Variants in DOCK3 observed in about 807,000 individuals in gnomAD.
The protein encoded by DOCK3 is dedicator of cytokinesis 3, also known as dedicator of cytokinesis protein 3.
A neutral mutation model predicts 265.6 loss-of-function variants in DOCK3; 60 were observed. That is an observed-to-expected ratio of 0.23 (90% CI 0.18 to 0.28). DOCK3 has a LOEUF of 0.28. Ranked by LOEUF, DOCK3 falls within the 10% of genes least tolerant of loss-of-function variation. The probability of loss-of-function intolerance (pLI) is 1.00; values close to 1 mark genes in which losing one functional copy is unlikely to be tolerated. For missense variants in DOCK3, 1,981 were observed against 2,594.3 expected, an observed-to-expected ratio of 0.76 and a Z score of 5.14; for synonymous variants, 881 against 938.0, an observed-to-expected ratio of 0.94 and a Z score of 1.11.
chr3:51,254,473 A>C (rs556676304), intron 22 of DOCK3, among the ~76,000 whole-genome samples: 1 of 152,172 alleles, frequency 6.6e-6, no homozygotes, highest in Non-Finnish European at 1.5e-5. Flanking sequence ...GGGGTGTTAA[A>C]GTCTCCCATT....
At chr3:50,740,612 A>G (rs1251683200) in intron 1 of DOCK3, among the ~76,000 whole-genome samples, 1 of 152,090 alleles carries the variant, frequency 6.6e-6, no homozygotes, top group African/African-American at 2.4e-5. Context: ...TATATTGAGA[A>G]TCCTTTTATG....
chr3:51,188,381 T>G (rs963829466), intron 12 of DOCK3, among the ~76,000 whole-genome samples: 1 of 152,244 alleles, frequency 6.6e-6, no homozygotes, highest in Non-Finnish European at 1.5e-5. Flanking sequence ...TTTATTTTAT[T>G]TCTACAAATG....
At chr3:50,795,812 C>A (rs1238753100) in intron 2 of DOCK3, among the ~76,000 whole-genome samples, 1 of 152,112 alleles carries the variant, frequency 6.6e-6, no homozygotes, top group Non-Finnish European at 1.5e-5. Flanking sequence ...TTATCAAATT[C>A]TTGTAGTGTG....
chr3:51,278,190 T>C (rs2080917092), intron 26 of DOCK3: 2 of 985,452 alleles, frequency 2.0e-6, no homozygotes, highest in South Asian at 9.4e-5. Flanking sequence ...GTTGCTTTTG[T>C]CCATTATGTT....
At chr3:51,344,242 C>T (rs1459454349) in intron 38 of DOCK3, among the ~76,000 whole-genome samples, 3 of 152,300 alleles carry the variant, frequency 2.0e-5, no homozygotes, top group East Asian at 3.9e-4. Flanking sequence ...ATGCTTTTCC[C>T]TTCCTTTGCC....
At chr3:51,157,393 G>A (rs569621178) in intron 10 of DOCK3, among the ~76,000 whole-genome samples, 30 of 151,406 alleles carry the variant, frequency 2.0e-4, no homozygotes, top group South Asian at 6.3e-4. Flanking sequence ...TTACAAGTGC[G>A]TGCCGCCACA....
chr3:51,277,044 G>C (rs2080854126), intron 25 of DOCK3, among the ~76,000 whole-genome samples: 1 of 152,170 alleles, frequency 6.6e-6, no homozygotes, highest in South Asian at 2.1e-4. Context: ...TGAGGAGCTA[G>C]AAGTGGACCC....
intron 31 of DOCK3, among the ~76,000 whole-genome samples, chr3:51,314,695 GTT>G (rs2083272159): frequency 6.6e-6 from 1 of 152,212 alleles, no homozygotes; most frequent in Non-Finnish European, 1.5e-5. Flanking sequence ...AGCAAACTCT[GTT>G]CCTTCATCTC....
intron 1 of DOCK3, among the ~76,000 whole-genome samples, chr3:50,683,326 T>A (rs1484680350): frequency 1.3e-5 from 2 of 152,216 alleles, no homozygotes; most frequent in Non-Finnish European, 2.9e-5. Context: ...TCAAATCTTT[T>A]TGAAGCTTAA....
intron 4 of DOCK3, among the ~76,000 whole-genome samples, chr3:50,897,584 C>T (rs956923781): frequency 2.6e-5 from 4 of 152,138 alleles, no homozygotes; most frequent in African/African-American, 7.2e-5. Flanking sequence ...ATGCTTCCAG[C>T]TTTTGCCCAT....
chr3:51,109,191 G>A (rs1035931358), intron 9 of DOCK3, among the ~76,000 whole-genome samples: 2 of 152,086 alleles, frequency 1.3e-5, no homozygotes, highest in African/African-American at 2.4e-5. Context: ...AAACCACAGA[G>A]CAATAAAAAT....
At chr3:50,961,999 CTT>C (rs58398349) in intron 5 of DOCK3, among the ~76,000 whole-genome samples, 20 of 150,976 alleles carry the variant, frequency 1.3e-4, no homozygotes, top group Admixed American at 5.9e-4. Context: ...ACATGAACCA[CTT>C]TTTTTTTTTA....
At chr3:51,378,331 T>C (rs557842463) in intron 51 of DOCK3, among the ~76,000 whole-genome samples, 3 of 152,210 alleles carry the variant, frequency 2.0e-5, no homozygotes, top group Non-Finnish European at 4.4e-5. Context: ...AAGAGGATGA[T>C]GGATGTCACA....
At chr3:50,924,151 C>T (rs1423909887) in intron 4 of DOCK3, among the ~76,000 whole-genome samples, 2 of 152,072 alleles carry the variant, frequency 1.3e-5, no homozygotes, top group Non-Finnish European at 2.9e-5. Flanking sequence ...GAGCCAGAGT[C>T]CTCAAAGATA....
chr3:50,952,565 G>A (rs2076622176), intron 5 of DOCK3, among the ~76,000 whole-genome samples: 1 of 152,108 alleles, frequency 6.6e-6, no homozygotes. Context: ...TTATTCCCAT[G>A]TAAAGGATTT....
chr3:50,708,177 G>A (rs1452696313), intron 1 of DOCK3, among the ~76,000 whole-genome samples: 1 of 152,148 alleles, frequency 6.6e-6, no homozygotes, highest in Non-Finnish European at 1.5e-5. Context: ...TTCAGTTCCT[G>A]GGATGGCATC....
At chr3:50,955,269 A>C (rs1160600368) in intron 5 of DOCK3, among the ~76,000 whole-genome samples, 1 of 152,210 alleles carries the variant, frequency 6.6e-6, no homozygotes, top group Non-Finnish European at 1.5e-5. Context: ...TGTGGAGAGC[A>C]GTGTGGCAAT....
At chr3:50,848,253 A>G (rs921978739) in intron 3 of DOCK3, among the ~76,000 whole-genome samples, 1 of 152,050 alleles carries the variant, frequency 6.6e-6, no homozygotes, top group African/African-American at 2.4e-5. Flanking sequence ...TTGTTGTTCA[A>G]CTTGCTACTC....
At chr3:51,184,036 G>A (rs553238207) in intron 12 of DOCK3, among the ~76,000 whole-genome samples, 4 of 152,258 alleles carry the variant, frequency 2.6e-5, no homozygotes, top group African/African-American at 4.8e-5. Flanking sequence ...ACAGGCCGGG[G>A]TGGTGTCTCA....
Sources: gnomAD v4.1 joint callset for allele counts (sites outside exome capture counted in the v4.1 genomes callset) on GRCh38, gnomAD v4.1.1 for gene constraint, MANE v1.5 for transcripts, NCBI Gene and HGNC (gene_info 2026-07-23, HGNC 2026-07-21) for gene names.